TTC1: variants seen among roughly 807,000 people sequenced by gnomAD.
TTC1 encodes the protein tetratricopeptide repeat protein 1.
Under a neutral mutation model 37.6 loss-of-function variants are expected in TTC1, and 31 were observed. The observed-to-expected ratio is 0.82, with a 90% CI of 0.62 to 1.11. The LOEUF is 1.11. Ranked by LOEUF, TTC1 falls within the 50% of genes most tolerant of loss-of-function variation. The pLI, the probability that TTC1 is intolerant of heterozygous loss-of-function variation, is 0.00. For missense variants in TTC1, 351 were observed against 339.0 expected, an observed-to-expected ratio of 1.04 and a Z score of -0.28; for synonymous variants, 127 against 122.4, an observed-to-expected ratio of 1.04 and a Z score of -0.25.
At chr5:160,018,565 G>C (rs1270270862) in intron 2 of TTC1, among the ~76,000 whole-genome samples, 1 of 152,218 alleles carries the variant, frequency 6.6e-6, no homozygotes. Flanking sequence ...GCTGAAGCAT[G>C]ATGATTAAGG....
Position 160,051,969 on chromosome 5 carries a change from C to G in TTC1, c.745+786C>G, listed in dbSNP as rs573408195. ...ATCATTTAAAATAAATTGAGCCTGT[C>G]TGGCATTTATGGCCTTCAGACATCA... On this transcript the variant is annotated intron_variant, in intron 7 of 7. Transcript: ENST00000231238. Among the ~76,000 whole-genome samples the G allele has an allele frequency of 2.1e-4, 32 of 152,366 alleles. 1 individual carries two copies. The South Asian group carries it at 6.6e-3, about 32-fold the overall frequency.
intron 5 of TTC1, among the ~76,000 whole-genome samples, chr5:160,045,903 C>A (rs140449648): frequency 2.0e-5 from 3 of 151,892 alleles, no homozygotes; most frequent in Non-Finnish European, 4.4e-5. Flanking sequence ...CCACCATGCC[C>A]GGCTAATTTT....
intron 2 of TTC1, among the ~76,000 whole-genome samples, chr5:160,025,687 C>A (rs1756788904): frequency 6.6e-6 from 1 of 152,228 alleles, no homozygotes; most frequent in South Asian, 2.1e-4. Flanking sequence ...GCAAACAATT[C>A]TTTATTTCCA....
chr5:160,030,465 A>G (rs901105965), intron 2 of TTC1, among the ~76,000 whole-genome samples: 9 of 152,188 alleles, frequency 5.9e-5, no homozygotes, highest in African/African-American at 2.2e-4. Flanking sequence ...CTCCATGCCC[A>G]CCTCTCAAAA....
rs749667671 is a variant in TTC1 at position 160,010,547 on chromosome 5, A to G, written c.19A>G (p.Asn7Asp). MGEKSE[N>D]CGVPEDLLNG... ...GGGCAGCATGGGGGAGAAGTCAGAG[A>G]ACTGTGGGGTTCCAGAGGATCTGTT... Residue 7 changes from asparagine (N) to aspartate (D), a missense_variant, in exon 2 of 8, where the codon AAC becomes GAC. Asn to Asp is a conservative substitution (Grantham distance 23). Transcript: ENST00000231238. The G allele has an allele frequency of 6.2e-7, 1 of 1,613,732 alleles. No individual in the cohort carries two copies. Among genetic ancestry groups the G allele is most frequent in the South Asian group, 1.1e-5 (1 of 91,082 alleles).
At chr5:160,032,754 G>T (rs144187018) in intron 2 of TTC1, among the ~76,000 whole-genome samples, 1 of 115,254 alleles carries the variant, frequency 8.7e-6, no homozygotes, top group Admixed American at 1.3e-4. Context: ...TCACTCTGTC[G>T]CCAGGCTAGA....
chr5:160,021,949 CCCTGGGTACTGTGCTT>C (rs1243660667), intron 2 of TTC1, among the ~76,000 whole-genome samples: 1 of 152,090 alleles, frequency 6.6e-6, no homozygotes, highest in Non-Finnish European at 1.5e-5. Flanking sequence ...GTACTGTGAT[CCCTGGGTACTGTGCTT>C]GGCATAAAGT....
chr5:160,059,471 A>G (rs1257116757), intron 7 of TTC1, among the ~76,000 whole-genome samples: 6 of 152,356 alleles, frequency 3.9e-5, no homozygotes, highest in East Asian at 3.9e-4. Flanking sequence ...AACTTTCTCC[A>G]TATAAGCAAT....
chr5:160,055,604 T>C (rs560094327), intron 7 of TTC1, among the ~76,000 whole-genome samples: 8 of 152,358 alleles, frequency 5.3e-5, no homozygotes, highest in African/African-American at 1.9e-4. Context: ...CCAGACCTAC[T>C]GAATCAGAGA....
intron 7 of TTC1, among the ~76,000 whole-genome samples, chr5:160,063,830 T>TA (rs1208834318): frequency 5.9e-5 from 9 of 151,878 alleles, no homozygotes; most frequent in African/African-American, 2.2e-4. Context: ...TTTGTAGAGA[T>TA]AGAGTCTCAC....
At chr5:160,031,851 GAA>G (rs1581100386) in intron 2 of TTC1, among the ~76,000 whole-genome samples, 1 of 151,948 alleles carries the variant, frequency 6.6e-6, no homozygotes, top group South Asian at 2.1e-4. Context: ...AAAACAGAAA[GAA>G]ATTACCTAGG....
chr5:160,019,049 C>CT (rs1370901342), intron 2 of TTC1, among the ~76,000 whole-genome samples: 2 of 152,184 alleles, frequency 1.3e-5, no homozygotes, highest in Non-Finnish European at 2.9e-5. Context: ...TGATTTAATT[C>CT]TTTCCTGCAA....
At chr5:160,024,672 T>C (rs1756770565) in intron 2 of TTC1, among the ~76,000 whole-genome samples, 1 of 151,994 alleles carries the variant, frequency 6.6e-6, no homozygotes, top group South Asian at 2.1e-4. Context: ...AAATTTTTTT[T>C]TTTTTTTCAG....
chr5:160,058,381 A>G (rs1757600889), intron 7 of TTC1, among the ~76,000 whole-genome samples: 6 of 151,122 alleles, frequency 4.0e-5, no homozygotes, highest in Admixed American at 1.3e-4. Flanking sequence ...TGACCATCTC[A>G]GCAGCCATAG....
intron 7 of TTC1, among the ~76,000 whole-genome samples, chr5:160,053,638 C>T (rs1461802908): frequency 6.6e-6 from 1 of 152,130 alleles, no homozygotes; most frequent in Non-Finnish European, 1.5e-5. Flanking sequence ...TATTCAGGAT[C>T]ACTTTAGCTT....
At chr5:160,028,931 T>A (rs912313587) in intron 2 of TTC1, among the ~76,000 whole-genome samples, 1 of 152,150 alleles carries the variant, frequency 6.6e-6, no homozygotes, top group Non-Finnish European at 1.5e-5. Context: ...AAATTGACCA[T>A]AAACAGAAAC....
chr5:160,048,162 T>G lies in TTC1; in HGVS notation c.542-1352T>G, dbSNP rs915271081. 2.1e-3 allele frequency among the ~76,000 whole-genome samples: 174 copies of G among 83,712 alleles called. 1 individual carries two copies. Among genetic ancestry groups the G allele is most frequent in the Middle Eastern group, 0.019 (2 of 104 alleles). 54.9% of individuals were successfully genotyped at this position (83,712 alleles called of 152,430 possible). ...TTTTTTTTTTTTTTTTTTTTTTTTT[T>G]GGGACAGAGTATTATCTCTCTGTTG... On this transcript the variant is annotated intron_variant, in intron 5 of 7. Transcript: ENST00000231238.
intron 3 of TTC1, among the ~76,000 whole-genome samples, chr5:160,036,283 A>C (rs541536622): frequency 6.6e-6 from 1 of 152,314 alleles, no homozygotes; most frequent in East Asian, 1.9e-4. Flanking sequence ...AAATATGTAT[A>C]ATTTTTTTCT....
In TTC1 at chr5:160,036,748, T is replaced by A. The variant is rs200508653; in HGVS notation, c.449T>A (p.Phe150Tyr). ...GCCCTCGAAATGTGCCCATCCTGCTTCCAAAAGGAGAGGTCGATTCTATTT... is the reference window on the plus strand; with the variant it reads ...GCCCTCGAAATGTGCCCATCCTGCTACCAAAAGGAGAGGTCGATTCTATTT... ...SRALEMCPSC[F>Y]QKERSILFSN... Residue 150 changes from phenylalanine to tyrosine, a missense_variant, in exon 4 of 8, where the codon TTC (phenylalanine) becomes TAC (tyrosine). Transcript: ENST00000231238. 2 of 1,614,038 alleles carry A rather than the reference T, an allele frequency of 1.2e-6. No individual in the cohort carries two copies. The highest frequency in any genetic ancestry group is 1.7e-6 in the Non-Finnish European group (2 of 1,179,990).
Sources: allele counts gnomAD v4.1 joint callset (sites outside exome capture counted in the v4.1 genomes callset), GRCh38; gene constraint gnomAD v4.1.1; transcripts MANE v1.5; gene names NCBI Gene and HGNC (gene_info 2026-07-23, HGNC 2026-07-21).